KIF4A: variants seen among roughly 807,000 people sequenced by gnomAD.
KIF4A encodes the protein kinesin family member 4A.
KIF4A carries 7 observed loss-of-function variants against 105.9 expected under a neutral mutation model. The observed-to-expected ratio is 0.07, with a 90% confidence interval of 0.04 to 0.12. The LOEUF is 0.12. Ranked by LOEUF, KIF4A falls within the 10% of genes least tolerant of loss-of-function variation. The probability of loss-of-function intolerance (pLI) is 1.00; values close to 1 mark genes in which losing one functional copy is unlikely to be tolerated. For synonymous variants in KIF4A, 281 were observed against 331.3 expected (o/e 0.85, Z 1.65); for missense variants, 558 against 929.2 (o/e 0.60, Z 5.19).
At position 70,349,689 on chromosome X, in the gene KIF4A, C is replaced by T. The variant is rs1366592773; in HGVS notation, c.1432-2911C>T. 1.2e-3 allele frequency among the ~76,000 whole-genome samples: 85 copies of T among 73,083 alleles called. 1 individual carries two copies. Among genetic ancestry groups the T allele is most frequent in the African/African-American group, 4.1e-3 (70 of 17,224 alleles). 63.5% of individuals were successfully genotyped at this position (73,083 alleles called of 115,157 possible). On this transcript the variant is annotated intron_variant, in intron 13 of 30. Transcript: ENST00000374403. Reference sequence around the variant, plus strand: ...GCAGAGGCACTCCTCACTTCCTAGTCGGGGTGGCGGCCGGGCAGAGACGCT... The same window carrying T: ...GCAGAGGCACTCCTCACTTCCTAGTTGGGGTGGCGGCCGGGCAGAGACGCT...
chrX:70,350,067 T>A (rs946476275), intron 13 of KIF4A, among the ~76,000 whole-genome samples: 44 of 113,985 alleles, frequency 3.9e-4, no homozygotes, highest in Non-Finnish European at 7.1e-4. Context: ...GAGACGCTCC[T>A]CACTTCCTAG....
At chrX:70,356,026 T>C (rs2086049543) in intron 15 of KIF4A, among the ~76,000 whole-genome samples, 1 of 112,097 alleles carries the variant, frequency 8.9e-6, no homozygotes, top group African/African-American at 3.2e-5. Flanking sequence ...TTTTTTGTAA[T>C]GCCAGCACTT....
chrX:70,328,192 T>C (rs2085917648), intron 7 of KIF4A, among the ~76,000 whole-genome samples: 1 of 111,890 alleles, frequency 8.9e-6, no homozygotes. Flanking sequence ...GACTGGGTAA[T>C]TTAGAAACAA....
At chrX:70,406,606 A>G (rs1346620292) in intron 27 of KIF4A, among the ~76,000 whole-genome samples, 1 of 111,981 alleles carries the variant, frequency 8.9e-6, no homozygotes, top group African/African-American at 3.2e-5. Context: ...GAAAAGAGCA[A>G]TAATGTTCAG....
At chrX:70,328,227 G>A (rs1475482390) in intron 7 of KIF4A, among the ~76,000 whole-genome samples, 3 of 111,637 alleles carry the variant, frequency 2.7e-5, no homozygotes, top group African/African-American at 9.8e-5. Flanking sequence ...TTACAGTTCT[G>A]GAGACTGAGA....
intron 15 of KIF4A, among the ~76,000 whole-genome samples, chrX:70,369,514 C>A (rs916996828): frequency 9.0e-6 from 1 of 111,495 alleles, no homozygotes; most frequent in Non-Finnish European, 1.9e-5. Flanking sequence ...TGGAATAGCC[C>A]CTTTGGATGA....
chrX:70,341,049 G>T (rs372434987), intron 10 of KIF4A, among the ~76,000 whole-genome samples: 2 of 111,266 alleles, frequency 1.8e-5, no homozygotes, highest in East Asian at 5.6e-4. Flanking sequence ...TTACCTATAT[G>T]TATTCCTTCA....
chrX:70,367,708 T>C (rs1021797187), intron 15 of KIF4A, among the ~76,000 whole-genome samples: 21 of 111,535 alleles, frequency 1.9e-4, no homozygotes, highest in African/African-American at 6.8e-4. Flanking sequence ...TCAACTTTGG[T>C]GAATCTGACC....
At position 70,346,230 on chromosome X, in the gene KIF4A, G is replaced by A. The variant is rs901711059; in HGVS notation, c.1431+2248G>A. On this transcript the variant is annotated intron_variant, in intron 13 of 30. Transcript: ENST00000374403. ...AAGTATAGAGTACTTGTTAGACAAC[G>A]GCTATCACAAGGTTAAATTTCACAA... Among the ~76,000 whole-genome samples the A allele has an allele frequency of 8.9e-5, 10 of 111,794 alleles. No individual in the cohort carries two copies. The East Asian group carries it at 1.1e-3, about 12-fold the overall frequency.
At chrX:70,343,295 G>GT (rs1374989309) in intron 11 of KIF4A, among the ~76,000 whole-genome samples, 2 of 111,369 alleles carry the variant, frequency 1.8e-5, no homozygotes, top group Admixed American at 9.5e-5. Context: ...AGTAAGTGGG[G>GT]TTTTTTGTTT....
At chrX:70,377,239 A>T (rs1477762437) in intron 18 of KIF4A, among the ~76,000 whole-genome samples, 1 of 110,049 alleles carries the variant, frequency 9.1e-6, no homozygotes, top group African/African-American at 3.3e-5. Context: ...CACCTGGCAA[A>T]TTTTTTATTT....
intron 18 of KIF4A, among the ~76,000 whole-genome samples, chrX:70,380,389 T>C (rs2086192849): frequency 8.9e-6 from 1 of 111,781 alleles, no homozygotes; most frequent in Admixed American, 9.5e-5. Context: ...TGGAAATCAA[T>C]TTATGTTATA....
intron 15 of KIF4A, chrX:70,362,302 C>T: frequency 2.9e-6 from 1 of 341,223 alleles, no homozygotes; most frequent in Non-Finnish European, 5.7e-6. Flanking sequence ...AAACTCAGCT[C>T]TTTCTCCGTG....
At chrX:70,402,503 G>A in intron 22 of KIF4A, 63 bp from the exon 23 acceptor site, 2 of 1,156,619 alleles carry the variant, frequency 1.7e-6, no homozygotes, top group Non-Finnish European at 2.3e-6. Flanking sequence ...TCTCCTCAGA[G>A]CTCTTCCCCC....
intron 16 of KIF4A, 65 bp downstream of exon 16, chrX:70,374,319 T>C: frequency 1.4e-6 from 1 of 697,797 alleles, no homozygotes; most frequent in Non-Finnish European, 2.2e-6. Context: ...TTGCAAGAAA[T>C]AGAGAAGTAG....
At chrX:70,391,307 A>G (rs1204076624) in intron 20 of KIF4A, among the ~76,000 whole-genome samples, 1 of 111,795 alleles carries the variant, frequency 8.9e-6, no homozygotes, top group East Asian at 2.8e-4. Flanking sequence ...AGGATTTTCT[A>G]TGTAGACTAT....
chrX:70,397,774 A>G (rs1268271519), intron 22 of KIF4A, among the ~76,000 whole-genome samples: 1 of 112,275 alleles, frequency 8.9e-6, no homozygotes, highest in African/African-American at 3.2e-5. Flanking sequence ...GGATACATCT[A>G]TAAATCACTC....
intron 15 of KIF4A, among the ~76,000 whole-genome samples, chrX:70,360,273 T>C (rs1445247701): frequency 1.8e-5 from 2 of 112,754 alleles, no homozygotes; most frequent in Non-Finnish European, 3.8e-5. Context: ...TTCACCTCCC[T>C]GTGCCTTGCC....
intron 13 of KIF4A, among the ~76,000 whole-genome samples, chrX:70,347,458 G>A (rs1002469609): frequency 1.8e-5 from 2 of 111,577 alleles, no homozygotes; most frequent in African/African-American, 3.3e-5. Context: ...AAATTTCACT[G>A]GGCCAAAAGC....
Sources: allele counts gnomAD v4.1 joint callset (sites outside exome capture counted in the v4.1 genomes callset), GRCh38; gene constraint gnomAD v4.1.1; transcripts MANE v1.5; gene names NCBI Gene and HGNC (gene_info 2026-07-23, HGNC 2026-07-21).